SAFB: variants seen among roughly 807,000 people sequenced by gnomAD.
SAFB encodes scaffold attachment factor B1.
Under a neutral mutation model 101.6 loss-of-function variants are expected in SAFB, and 15 were observed. The observed-to-expected ratio is 0.15, with a 90% CI of 0.10 to 0.23. The LOEUF is 0.23. SAFB is among the 10% of genes least tolerant of loss of function. The pLI is 1.00. For missense variants in SAFB, 930 were observed against 1,104.1 expected, an observed-to-expected ratio of 0.84 and a Z score of 2.23; for synonymous variants, 449 against 407.5, an observed-to-expected ratio of 1.10 and a Z score of -1.23.
chr19:5,661,450 C>T (rs776291965), intron 14 of SAFB, 68 bp from the exon 15 acceptor site: 1 of 1,586,246 alleles, frequency 6.3e-7, no homozygotes, highest in Non-Finnish European at 8.6e-7. Context: ...CAGCGTCTTA[C>T]TTAAAGTCAG....
intron 1 of SAFB, among the ~76,000 whole-genome samples, 178 bp from the exon 2 acceptor site, chr19:5,626,227 G>A (rs953638067): frequency 9.9e-5 from 15 of 152,190 alleles, no homozygotes; most frequent in Admixed American, 2.6e-4. Flanking sequence ...GGTGGCGTCA[G>A]TCGGTCTCCA....
In SAFB at chr19:5,626,380, A is replaced by T. The variant is rs202079540; in HGVS notation, c.190-25A>T. ...AGTGTGTGAGCTGACTTTTTGGATC[A>T]ACTTTACTTTTCCCTTCTTTTTAGG... On this transcript the variant is annotated intron_variant, in intron 1 of 20. Transcript: ENST00000588852. The T allele has an allele frequency of 4.9e-6, 7 of 1,414,160 alleles. No individual in the cohort carries two copies. In the East Asian group the frequency reaches 1.6e-4, roughly 32 times the overall value. 87.6% of individuals were successfully genotyped at this position (1,414,160 alleles called of 1,614,324 possible).
intron 2 of SAFB, among the ~76,000 whole-genome samples, chr19:5,631,475 T>C (rs1246026388): frequency 2.6e-5 from 4 of 152,220 alleles, no homozygotes; most frequent in Non-Finnish European, 5.9e-5. Context: ...TTGAATTATT[T>C]TCAACTACTT....
rs139544472 is a variant in SAFB at position 5,639,418 on chromosome 19, C to T, written c.275-2176C>T. Among the ~76,000 whole-genome samples the T allele has an allele frequency of 7.3e-3, 1,109 of 152,232 alleles. 4 individuals are homozygous for T. The highest frequency in any genetic ancestry group is 0.012 in the Non-Finnish European group (834 of 68,020). ...CACATAAGAGTGAAATGGGCCAGGG[C>T]GCGGTGGCTCATGTCTGTAATCCCA... On this transcript the variant is annotated intron_variant, in intron 2 of 20. Coordinates refer to ENST00000588852, the MANE Select transcript of SAFB (RefSeq NM_001201338.2).
intron 8 of SAFB, among the ~76,000 whole-genome samples, chr19:5,650,773 C>T (rs1180714852): frequency 3.9e-5 from 6 of 152,144 alleles, no homozygotes; most frequent in Admixed American, 3.3e-4. Flanking sequence ...AGTATTGTGA[C>T]GGGCCCTGTG....
chr19:5,641,297 C>T (rs1294837814), intron 2 of SAFB, among the ~76,000 whole-genome samples: 2 of 152,152 alleles, frequency 1.3e-5, no homozygotes, highest in Admixed American at 6.5e-5. Flanking sequence ...AACAAGGACA[C>T]TTGGGATAGG....
chr19:5,641,998 A>C, intron 4 of SAFB, 52 bp downstream of exon 4: 1 of 1,400,884 alleles, frequency 7.1e-7, no homozygotes, highest in Non-Finnish European at 1.0e-6. Flanking sequence ...TCAGTTCCAC[A>C]ATTAAAATAG....
At chr19:5,645,687 G>A (rs1479335565) in intron 5 of SAFB, among the ~76,000 whole-genome samples, 1 of 152,160 alleles carries the variant, frequency 6.6e-6, no homozygotes, top group African/African-American at 2.4e-5. Context: ...TTGTGGCAGG[G>A]GAAGGCAGCC....
intron 2 of SAFB, among the ~76,000 whole-genome samples, chr19:5,629,048 C>T (rs1284828604): frequency 2.6e-5 from 4 of 152,160 alleles, no homozygotes; most frequent in African/African-American, 9.7e-5. Context: ...GCTTTCACCT[C>T]AGCCCCACAA....
intron 2 of SAFB, among the ~76,000 whole-genome samples, chr19:5,628,224 C>A (rs1038866902): frequency 4.6e-5 from 7 of 152,130 alleles, no homozygotes; most frequent in Admixed American, 4.6e-4. Flanking sequence ...GCACTCCAGC[C>A]TGGGCGACCG....
At chr19:5,633,709 G>T (rs1256969447) in intron 2 of SAFB, among the ~76,000 whole-genome samples, 2 of 151,998 alleles carry the variant, frequency 1.3e-5, no homozygotes, top group African/African-American at 4.8e-5. Flanking sequence ...AACCCGGGAG[G>T]TGGAGCTTGC....
intron 9 of SAFB, 62 bp downstream of exon 9, chr19:5,651,134 G>A (rs1318454807): frequency 2.0e-6 from 2 of 1,021,448 alleles, no homozygotes; most frequent in African/African-American, 3.2e-5. Flanking sequence ...GCCTTTACAT[G>A]GAGGTCCTCT....
At chr19:5,652,623 C>T (rs950765929) in intron 9 of SAFB, among the ~76,000 whole-genome samples, 2 of 152,198 alleles carry the variant, frequency 1.3e-5, no homozygotes, top group Non-Finnish European at 2.9e-5. Context: ...GATGTGTCTA[C>T]AGTAACTGAA....
intron 5 of SAFB, 68 bp from the exon 6 acceptor site, chr19:5,647,948 G>C: frequency 7.3e-7 from 1 of 1,361,064 alleles, no homozygotes. Flanking sequence ...AGTTATTCTG[G>C]GTTTTCATTT....
Position 5,650,026 on chromosome 19 carries a change from G to A in SAFB, c.1198+51G>A. 1.4e-6 allele frequency: 2 copies of A among 1,428,214 alleles called. 1 individual carries two copies. Among genetic ancestry groups the A allele is most frequent in the South Asian group, 2.3e-5 (2 of 87,164 alleles). The allele number at this position is 1,428,214 out of a possible 1,614,324, so 88.5% of individuals were successfully genotyped here. A position where few individuals can be genotyped will look rare whatever the true frequency, so the allele number is the denominator to read the frequency against. ...CCTTGGAGCATGTATGGCCTGGGCAGTGGCGGGTATTTGATTCTGGTTCAT... is the reference window on the plus strand; with the variant it reads ...CCTTGGAGCATGTATGGCCTGGGCAATGGCGGGTATTTGATTCTGGTTCAT... On this transcript the variant is annotated intron_variant, in intron 8 of 20. Transcript: ENST00000588852.
At chr19:5,658,143 G>T (rs192456261) in intron 14 of SAFB, among the ~76,000 whole-genome samples, 4 of 152,026 alleles carry the variant, frequency 2.6e-5, no homozygotes, top group Admixed American at 6.5e-5. Flanking sequence ...GACTACAGGC[G>T]CAAGCCACCA....
In SAFB at chr19:5,627,705, G is replaced by C. The variant is rs964338525; in HGVS notation, c.274+1216G>C. On this transcript the variant is annotated intron_variant, in intron 2 of 20. Coordinates refer to ENST00000588852, the MANE Select transcript of SAFB (RefSeq NM_001201338.2). ...TCCTGGTTCTCTGTGACTTCGCTCC[G>C]CCCACCCTTCCCCATCTGTCTGCCT... is the stretch of plus-strand genomic sequence containing the variant. Among the ~76,000 whole-genome samples, 3 of 151,804 alleles carry C rather than the reference G, an allele frequency of 2.0e-5. No individual in the cohort carries two copies. In the East Asian group the frequency reaches 5.8e-4, roughly 29 times the overall value.
Position 5,651,018 on chromosome 19 carries a change from C to T in SAFB, c.1239C>T (p.Leu413=). 1 of 1,610,388 alleles carries T rather than the reference C, an allele frequency of 6.2e-7. No individual in the cohort carries two copies. Among genetic ancestry groups the T allele is most frequent in the Non-Finnish European group, 8.5e-7 (1 of 1,178,128 alleles). Residue 413 remains leucine (L), a synonymous_variant, in exon 9 of 21, where the codon CTC becomes CTT. Coordinates refer to ENST00000588852, the MANE Select transcript of SAFB (RefSeq NM_001201338.2). The part of the protein sequence containing the change: ...SCGRNFWVSG[L]SSTTRATDLK... ...GTAGAAATTTCTGGGTTAGTGGACT[C>T]TCTTCTACAACCAGAGCTACAGATT... is the stretch of plus-strand genomic sequence containing the variant.
intron 2 of SAFB, among the ~76,000 whole-genome samples, chr19:5,637,950 A>G (rs1385964862): frequency 6.6e-6 from 1 of 152,224 alleles, no homozygotes; most frequent in African/African-American, 2.4e-5. Context: ...TAATTTGAGC[A>G]TGCCTATTCC....
Sources: gnomAD v4.1 joint callset for allele counts (sites outside exome capture counted in the v4.1 genomes callset) on GRCh38, gnomAD v4.1.1 for gene constraint, MANE v1.5 for transcripts, NCBI Gene and HGNC (gene_info 2026-07-23, HGNC 2026-07-21) for gene names.